The following KCNMA1 variants were observed in gnomAD, a reference collection of about 807,000 sequenced individuals.
The protein encoded by KCNMA1 is Calcium-activated potassium channel subunit alpha-1.
KCNMA1 carries 29 observed loss-of-function variants against 140.0 expected under a neutral mutation model. The observed-to-expected ratio is 0.21, with a 90% CI of 0.15 to 0.28. The LOEUF (loss-of-function observed/expected upper bound fraction) is 0.28, where lower values mean the gene tolerates loss of function less well. Among genes scored for constraint, KCNMA1 ranks in the 10% least tolerant of loss-of-function variants. KCNMA1 has a pLI of 1.00. For synonymous variants in KCNMA1, 612 were observed against 611.9 expected, an observed-to-expected ratio of 1.00 and a Z score of 0.00; for missense variants, 880 against 1,602.2, an observed-to-expected ratio of 0.55 and a Z score of 7.70.
At chr10:76,970,108 G>A (rs2075587445) in intron 19 of KCNMA1, 41 bp from the exon 20 acceptor site, 1 of 1,509,578 alleles carries the variant, frequency 6.6e-7, no homozygotes, top group Non-Finnish European at 9.2e-7. Context: ...AACAGTTTGA[G>A]GGCAGACTGT....
chr10:77,407,793 C>T (rs1381518177), intron 1 of KCNMA1, among the ~76,000 whole-genome samples: 1 of 152,172 alleles, frequency 6.6e-6, no homozygotes, highest in Non-Finnish European at 1.5e-5. Flanking sequence ...TTACAGCTGC[C>T]CTGATGAAGC....
intron 1 of KCNMA1, among the ~76,000 whole-genome samples, chr10:77,613,618 T>C (rs1242546900): frequency 4.6e-5 from 7 of 152,210 alleles, no homozygotes; most frequent in African/African-American, 1.7e-4. Context: ...TTCACCTCTG[T>C]GCTGTTATTT....
chr10:77,481,393 A>G (rs550870815), intron 1 of KCNMA1, among the ~76,000 whole-genome samples: 2 of 152,292 alleles, frequency 1.3e-5, no homozygotes, highest in East Asian at 3.9e-4. Context: ...CTCCAAAATC[A>G]TACCTTTCCA....
At chr10:77,016,445 G>T (rs1245013372) in intron 17 of KCNMA1, among the ~76,000 whole-genome samples, 1 of 152,068 alleles carries the variant, frequency 6.6e-6, no homozygotes, top group Non-Finnish European at 1.5e-5. Flanking sequence ...AAATGTAAAC[G>T]ACTTATACAC....
intron 1 of KCNMA1, among the ~76,000 whole-genome samples, chr10:77,469,100 G>T (rs186066924): frequency 6.6e-6 from 1 of 152,086 alleles, no homozygotes; most frequent in Admixed American, 6.5e-5. Context: ...GGTTTCTTTT[G>T]CTCTAGCCAT....
Position 77,354,906 on chromosome 10 carries a change from C to T in KCNMA1, c.540+48956G>A, listed in dbSNP as rs559208036. Reference sequence around the variant, plus strand: ...ATGGAAACTTCAGTGCTCTGGTAAACATTTCTTTGATGCCTTACCAAAACA... The same window carrying T: ...ATGGAAACTTCAGTGCTCTGGTAAATATTTCTTTGATGCCTTACCAAAACA... On this transcript the variant is annotated intron_variant, in intron 2 of 27. Transcript: ENST00000286628. Among the ~76,000 whole-genome samples the T allele has an allele frequency of 3.9e-5, 6 of 152,296 alleles. No homozygotes were observed. In the East Asian group the frequency reaches 9.7e-4, roughly 25 times the overall value.
At chr10:77,601,548 A>G (rs1215567988) in intron 1 of KCNMA1, among the ~76,000 whole-genome samples, 1 of 152,210 alleles carries the variant, frequency 6.6e-6, no homozygotes, top group East Asian at 1.9e-4. Flanking sequence ...CTCTCCTTTC[A>G]TAATCTAGGC....
At chr10:77,115,780 A>G (rs984330850) in intron 6 of KCNMA1, among the ~76,000 whole-genome samples, 2 of 152,234 alleles carry the variant, frequency 1.3e-5, no homozygotes, top group Admixed American at 6.5e-5. Context: ...GTCCATGTTT[A>G]GCTCTGAAAT....
intron 2 of KCNMA1, among the ~76,000 whole-genome samples, chr10:77,397,021 A>G (rs2096077029): frequency 7.5e-6 from 1 of 133,508 alleles, no homozygotes; most frequent in African/African-American, 2.8e-5. Flanking sequence ...AGTTGAGGTG[A>G]GGCTGTCCTT....
chr10:76,966,619 G>A lies in KCNMA1; in HGVS notation c.2360+3355C>T, dbSNP rs149721961. 3.5e-3 allele frequency among the ~76,000 whole-genome samples: 532 copies of A among 152,192 alleles called. 2 individuals carry two copies. Among genetic ancestry groups the A allele is most frequent in the Middle Eastern group, 0.01 (3 of 294 alleles). ...AGGAAAGACGTGGCTATCCTTACAA[G>A]GCACCACCCCACTAAGTAGGGAGAA... On this transcript the variant is annotated intron_variant, in intron 20 of 27. Transcript: ENST00000286628.
rs140521577 is a variant in KCNMA1 at position 77,564,818 on chromosome 10, C to T, written c.378+72447G>A. Among the ~76,000 whole-genome samples, 370 of 152,232 alleles carry T rather than the reference C, an allele frequency of 2.4e-3. 8 individuals are homozygous for T. The South Asian group carries it at 0.025, about 10-fold the overall frequency. On this transcript the variant is annotated intron_variant, in intron 1 of 27. Transcript: ENST00000286628. The stretch of plus-strand genomic sequence containing the variant: ...GGGAAGACAAGCTGGGGTCAGAGGG[C>T]GGACTCTTTGGCTTAGGAGTAGAGG...
intron 1 of KCNMA1, among the ~76,000 whole-genome samples, chr10:77,560,021 CAA>C (rs35837413): frequency 2.1e-5 from 3 of 143,844 alleles, no homozygotes; most frequent in Non-Finnish European, 1.5e-5. Flanking sequence ...ACTAAAAATA[CAA>C]AAAAAAAAAA....
chr10:77,418,528 A>T (rs192969725), intron 1 of KCNMA1, among the ~76,000 whole-genome samples: 43 of 152,180 alleles, frequency 2.8e-4, no homozygotes, highest in Non-Finnish European at 5.4e-4. Context: ...GACAGAGCTC[A>T]CCGAGTGTCT....
At chr10:77,557,930 G>A (rs900115787) in intron 1 of KCNMA1, among the ~76,000 whole-genome samples, 1 of 152,062 alleles carries the variant, frequency 6.6e-6, no homozygotes, top group Non-Finnish European at 1.5e-5. Flanking sequence ...CATTCTCTAA[G>A]CAAATAAGCT....
chr10:77,276,490 C>T (rs913994716), intron 2 of KCNMA1, among the ~76,000 whole-genome samples: 10 of 152,168 alleles, frequency 6.6e-5, no homozygotes, highest in South Asian at 2.1e-4. Context: ...TGTGGCCCTG[C>T]GGAAGTCACT....
chr10:76,879,519 A>G (rs1399238173), intron 29 of KCNMA1, among the ~76,000 whole-genome samples: 3 of 152,112 alleles, frequency 2.0e-5, no homozygotes, highest in African/African-American at 7.2e-5. Context: ...GATGATCTAC[A>G]GCTTGCCAGA....
At chr10:76,976,994 CT>C (rs1440013881) in intron 19 of KCNMA1, among the ~76,000 whole-genome samples, 2 of 152,118 alleles carry the variant, frequency 1.3e-5, no homozygotes, top group African/African-American at 4.8e-5. Flanking sequence ...ATAATTTTTA[CT>C]TTACATCCAA....
intron 19 of KCNMA1, among the ~76,000 whole-genome samples, chr10:76,985,817 G>T (rs1431197808): frequency 6.6e-6 from 1 of 152,174 alleles, no homozygotes; most frequent in Non-Finnish European, 1.5e-5. Context: ...AACAGAGAAG[G>T]TTGGTGATTT....
At chr10:76,997,446 C>T (rs142662712) in intron 19 of KCNMA1, among the ~76,000 whole-genome samples, 130 of 152,294 alleles carry the variant, frequency 8.5e-4, no homozygotes, top group Non-Finnish European at 1.7e-3. Flanking sequence ...TCTCTTCTAC[C>T]ACAGGATTAA....
Sources: allele counts gnomAD v4.1 joint callset (sites outside exome capture counted in the v4.1 genomes callset), GRCh38; gene constraint gnomAD v4.1.1; transcripts MANE v1.5; gene names NCBI Gene and HGNC (gene_info 2026-07-23, HGNC 2026-07-21).